ITPR1: variants seen among roughly 807,000 people sequenced by gnomAD.
The protein encoded by ITPR1 is inositol 1,4,5-trisphosphate-gated calcium channel ITPR1.
ITPR1 carries 96 observed loss-of-function variants against 318.4 expected under a neutral mutation model. The observed-to-expected ratio is 0.30, with a 90% CI of 0.26 to 0.36. The LOEUF (loss-of-function observed/expected upper bound fraction) is 0.36. ITPR1 is among the 10% of genes least tolerant of loss of function. The pLI, the probability that ITPR1 is intolerant of heterozygous loss-of-function variation, is 1.00. For missense variants in ITPR1, 2,440 were observed against 3,460.2 expected (o/e 0.71, Z 7.40); for synonymous variants, 1,312 against 1,289.9 (o/e 1.02, Z -0.37).
At chr3:4,763,265 A>G (rs986524849) in intron 44 of ITPR1, among the ~76,000 whole-genome samples, 2 of 152,150 alleles carry the variant, frequency 1.3e-5, no homozygotes, top group Non-Finnish European at 2.9e-5. Context: ...CTTAATATGT[A>G]TGTGATGGGT....
intron 15 of ITPR1, 33 bp downstream of exon 15, chr3:4,662,275 C>T: frequency 2.0e-6 from 3 of 1,482,260 alleles, no homozygotes; most frequent in Non-Finnish European, 9.0e-7. Context: ...CACAGCCGCC[C>T]TCCCGCACTG....
intron 12 of ITPR1, among the ~76,000 whole-genome samples, chr3:4,655,989 T>C (rs543311149): frequency 6.6e-6 from 1 of 152,362 alleles, no homozygotes; most frequent in East Asian, 1.9e-4. Context: ...TTGGTTTCCC[T>C]AAGAACAGCT....
At chr3:4,813,679 C>T (rs2049088423) in intron 57 of ITPR1, among the ~76,000 whole-genome samples, 1 of 151,918 alleles carries the variant, frequency 6.6e-6, no homozygotes, top group Admixed American at 6.6e-5. Flanking sequence ...CATCTAAAGG[C>T]TTTAAAGGTA....
chr3:4,742,027 G>A (rs2043742216), intron 44 of ITPR1, among the ~76,000 whole-genome samples: 1 of 152,156 alleles, frequency 6.6e-6, no homozygotes, highest in Non-Finnish European at 1.5e-5. Flanking sequence ...CGTCCCCAGA[G>A]ACACTGCCCT....
chr3:4,833,001 C>T (rs1032551091), intron 60 of ITPR1, among the ~76,000 whole-genome samples: 1 of 152,240 alleles, frequency 6.6e-6, no homozygotes, highest in Admixed American at 6.5e-5. Flanking sequence ...AAGAACTATG[C>T]ATTGAGACCT....
At chr3:4,693,425 G>T in intron 32 of ITPR1, 65 bp from the exon 33 acceptor site, 1 of 1,561,246 alleles carries the variant, frequency 6.4e-7, no homozygotes, top group Non-Finnish European at 8.8e-7. Flanking sequence ...TCTGTGAATA[G>T]ATTTTTTTCA....
intron 39 of ITPR1, among the ~76,000 whole-genome samples, chr3:4,712,335 C>A (rs1213327628): frequency 6.6e-6 from 1 of 152,212 alleles, no homozygotes; most frequent in Non-Finnish European, 1.5e-5. Flanking sequence ...CACGTCACCA[C>A]TTCTGAGGGA....
chr3:4,699,744 G>A (rs918539417), intron 34 of ITPR1, 69 bp from the exon 35 acceptor site: 10 of 1,511,132 alleles, frequency 6.6e-6, no homozygotes, highest in African/African-American at 5.5e-5. Flanking sequence ...CCACAGGAGG[G>A]AGTCGCAGAT....
At chr3:4,794,018 G>A (rs564537949) in intron 52 of ITPR1, among the ~76,000 whole-genome samples, 30 of 152,208 alleles carry the variant, frequency 2.0e-4, no homozygotes, top group Non-Finnish European at 3.7e-4. Context: ...GTTACATGAT[G>A]ACTTCATTGG....
At chr3:4,755,170 T>A (rs1262634036) in intron 44 of ITPR1, among the ~76,000 whole-genome samples, 1 of 4,310 alleles carries the variant, frequency 2.3e-4, no homozygotes, top group African/African-American at 4.9e-4. Flanking sequence ...ATACCTTTAA[T>A]TTTTTTTTTT....
At chr3:4,820,467 C>T (rs745965803) in intron 60 of ITPR1, among the ~76,000 whole-genome samples, 4 of 152,138 alleles carry the variant, frequency 2.6e-5, no homozygotes, top group Non-Finnish European at 5.9e-5. Flanking sequence ...ATCGTGGAGA[C>T]TTAAAGGCGT....
intron 2 of ITPR1, among the ~76,000 whole-genome samples, chr3:4,510,882 G>T (rs2081764764): frequency 6.6e-6 from 1 of 152,182 alleles, no homozygotes; most frequent in Non-Finnish European, 1.5e-5. Context: ...GTGGGGTAGG[G>T]ACGAGAGTGT....
chr3:4,770,320 A>T (rs1350197346), intron 46 of ITPR1, among the ~76,000 whole-genome samples: 2 of 152,206 alleles, frequency 1.3e-5, no homozygotes, highest in Non-Finnish European at 2.9e-5. Flanking sequence ...AAGAAATTAT[A>T]TTGTTAATTA....
chr3:4,820,193 A>T (rs1235699109), intron 60 of ITPR1, among the ~76,000 whole-genome samples: 1 of 151,980 alleles, frequency 6.6e-6, no homozygotes, highest in Admixed American at 6.5e-5. Context: ...ACCCTACTCG[A>T]TCAGCATTTA....
At chr3:4,537,052 A>C (rs1300875138) in intron 4 of ITPR1, among the ~76,000 whole-genome samples, 2 of 152,234 alleles carry the variant, frequency 1.3e-5, no homozygotes, top group South Asian at 2.1e-4. Flanking sequence ...TACTGTCAGC[A>C]GCCTACGTCC....
chr3:4,735,156 CT>C lies in ITPR1; in HGVS notation c.5354-6del. 1.9e-6 allele frequency: 3 copies of C among 1,608,544 alleles called. No homozygotes were observed. The highest frequency in any genetic ancestry group is 2.6e-6 in the Non-Finnish European group (3 of 1,175,418). On this transcript the variant is annotated splice_polypyrimidine_tract_variant and splice_region_variant and intron_variant, in intron 43 of 61. Transcript: ENST00000649015. ...GTGCTTAGTAAAAACAATATTCCATCTTCTTAGGGGGAGGTTCCGGATCCAG... is the reference window on the plus strand; with the variant it reads ...GTGCTTAGTAAAAACAATATTCCATCTCTTAGGGGGAGGTTCCGGATCCAG...
At chr3:4,558,123 A>T (rs2086315606) in intron 4 of ITPR1, among the ~76,000 whole-genome samples, 1 of 152,206 alleles carries the variant, frequency 6.6e-6, no homozygotes, top group African/African-American at 2.4e-5. Flanking sequence ...AGATGTTCTG[A>T]GTTAGAATTT....
intron 53 of ITPR1, among the ~76,000 whole-genome samples, chr3:4,796,889 G>A (rs780603731): frequency 6.6e-6 from 1 of 152,150 alleles, no homozygotes; most frequent in African/African-American, 2.4e-5. Context: ...AGAAAATCCT[G>A]TAGAACCCGG....
chr3:4,770,051 T>G (rs749742756), intron 46 of ITPR1, among the ~76,000 whole-genome samples: 4 of 152,124 alleles, frequency 2.6e-5, no homozygotes, highest in Admixed American at 1.3e-4. Context: ...CTATCTCCTT[T>G]GTGGTGGAAT....
Sources: gnomAD v4.1 joint callset for allele counts (sites outside exome capture counted in the v4.1 genomes callset) on GRCh38, gnomAD v4.1.1 for gene constraint, MANE v1.5 for transcripts, NCBI Gene and HGNC (gene_info 2026-07-23, HGNC 2026-07-21) for gene names.